The following GRIP1 variants were observed in gnomAD, a reference collection of about 807,000 sequenced individuals.
The protein encoded by GRIP1 is glutamate receptor interacting protein 1, also known as glutamate receptor-interacting protein 1.
GRIP1 carries 45 observed loss-of-function variants against 129.9 expected under a neutral mutation model. The ratio of observed to expected loss-of-function variants is 0.35; its 90% CI spans 0.27 to 0.44. The LOEUF is 0.44. Ranked by LOEUF, GRIP1 falls within the 20% of genes least tolerant of loss-of-function variation. GRIP1 has a pLI of 1.00. For synonymous variants in GRIP1, 530 were observed against 520.8 expected, an observed-to-expected ratio of 1.02 and a Z score of -0.24; for missense variants, 1,196 against 1,396.8, an observed-to-expected ratio of 0.86 and a Z score of 2.29.
chr12:66,983,596 T>C (rs2042269326), intron 1 of GRIP1, among the ~76,000 whole-genome samples: 1 of 152,214 alleles, frequency 6.6e-6, no homozygotes, highest in South Asian at 2.1e-4. Flanking sequence ...TTATTTACTG[T>C]AACTTAATAA....
chr12:66,516,761 C>A (rs537849414), intron 6 of GRIP1, among the ~76,000 whole-genome samples: 1 of 152,276 alleles, frequency 6.6e-6, no homozygotes, highest in Admixed American at 6.5e-5. Flanking sequence ...TTGTTACCCG[C>A]TGCAAAAGCA....
rs375797853 is a variant in GRIP1, at chr12:66,550,538, A to C, written c.137-8588T>G. ...GAAAGCAGTGAACGCTTGTCCCAGA[A>C]AAATTGTGTGCATTATTTCAGGGGA... On this transcript the variant is annotated intron_variant, in intron 2 of 24. Coordinates refer to ENST00000359742, the MANE Select transcript of GRIP1 (RefSeq NM_001366722.1). Among the ~76,000 whole-genome samples, 15 of 152,306 alleles carry C rather than the reference A, an allele frequency of 9.8e-5. No homozygotes were observed. In the South Asian group the frequency reaches 1.0e-3, roughly 11 times the overall value.
intron 1 of GRIP1, among the ~76,000 whole-genome samples, chr12:66,719,207 A>G (rs2035984863): frequency 6.6e-6 from 1 of 152,196 alleles, no homozygotes; most frequent in Non-Finnish European, 1.5e-5. Context: ...TGAAGGCTAC[A>G]ATATACAAGA....
chr12:66,769,614 G>A (rs1315505786), intron 1 of GRIP1, among the ~76,000 whole-genome samples: 6 of 152,040 alleles, frequency 3.9e-5, no homozygotes, highest in Admixed American at 3.3e-4. Flanking sequence ...CTCAGTCATG[G>A]AGAAAAGTCT....
chr12:66,723,893 T>C (rs2036173537), intron 1 of GRIP1, among the ~76,000 whole-genome samples: 1 of 152,150 alleles, frequency 6.6e-6, no homozygotes, highest in Admixed American at 6.6e-5. Flanking sequence ...ATGAAACAGG[T>C]ATTTCTTTGA....
chr12:66,530,408 A>C (rs573187987), intron 4 of GRIP1, among the ~76,000 whole-genome samples: 1 of 152,328 alleles, frequency 6.6e-6, no homozygotes, highest in African/African-American at 2.4e-5. Context: ...TGACATATAA[A>C]TAGCTATTAA....
intron 1 of GRIP1, among the ~76,000 whole-genome samples, chr12:66,962,884 T>C (rs2041942828): frequency 6.6e-6 from 1 of 152,142 alleles, no homozygotes; most frequent in African/African-American, 2.4e-5. Context: ...CACATACATA[T>C]TCAAAAACAT....
intron 1 of GRIP1, among the ~76,000 whole-genome samples, chr12:66,931,213 G>A (rs1410495827): frequency 6.6e-6 from 1 of 152,202 alleles, no homozygotes; most frequent in Non-Finnish European, 1.5e-5. Context: ...AGAGGGAAAG[G>A]AGAAGCAGTC....
intron 1 of GRIP1, among the ~76,000 whole-genome samples, chr12:66,678,619 A>C (rs577761761): frequency 2.0e-5 from 3 of 152,200 alleles, no homozygotes; most frequent in Non-Finnish European, 4.4e-5. Context: ...CATTAAAAAA[A>C]AAATCACACA....
At chr12:66,712,538 T>C (rs1157245153) in intron 1 of GRIP1, among the ~76,000 whole-genome samples, 1 of 152,016 alleles carries the variant, frequency 6.6e-6, no homozygotes, top group East Asian at 1.9e-4. Flanking sequence ...CACACATCTA[T>C]ATTAAATTTC....
intron 1 of GRIP1, among the ~76,000 whole-genome samples, chr12:66,621,033 T>C (rs942018542): frequency 6.8e-6 from 1 of 147,392 alleles, no homozygotes; most frequent in African/African-American, 2.5e-5. Context: ...AGTTTTAACA[T>C]ATTTTTGGAA....
intron 5 of GRIP1, 50 bp from the exon 6 acceptor site, chr12:66,518,026 T>A (rs1565818701): frequency 9.9e-7 from 1 of 1,014,686 alleles, no homozygotes; most frequent in South Asian, 1.3e-5. Context: ...TGTTGGCATT[T>A]AAAAAAAATC....
chr12:67,024,582 T>G (rs1374201520), intron 1 of GRIP1, among the ~76,000 whole-genome samples: 2 of 148,902 alleles, frequency 1.3e-5, no homozygotes, highest in Non-Finnish European at 3.0e-5. Context: ...AAGTGACTAC[T>G]AAAAAAAAAA....
intron 1 of GRIP1, among the ~76,000 whole-genome samples, chr12:66,925,466 G>C (rs150291400): frequency 6.6e-6 from 1 of 152,192 alleles, no homozygotes; most frequent in East Asian, 1.9e-4. Context: ...GTTCTCATTT[G>C]TCTGAAGTCA....
chr12:66,690,928 G>A (rs2034963766), intron 1 of GRIP1, among the ~76,000 whole-genome samples: 1 of 151,618 alleles, frequency 6.6e-6, no homozygotes, highest in Non-Finnish European at 1.5e-5. Context: ...GCAAGACCCA[G>A]TGTCAAAAAC....
intron 1 of GRIP1, among the ~76,000 whole-genome samples, chr12:67,000,967 A>G (rs941005161): frequency 6.6e-6 from 1 of 152,182 alleles, no homozygotes; most frequent in East Asian, 1.9e-4. Context: ...TTTGTTATTT[A>G]TCTGAAATTC....
chr12:66,907,786 A>C (rs989869764), intron 1 of GRIP1, among the ~76,000 whole-genome samples: 2 of 152,342 alleles, frequency 1.3e-5, no homozygotes, highest in African/African-American at 4.8e-5. Context: ...AAACAGGTAG[A>C]AAAGTAAAAC....
Position 66,377,262 on chromosome 12 carries a change from G to T in GRIP1, c.2645C>A (p.Ala882Glu). The T allele has an allele frequency of 1.2e-6, 2 of 1,612,370 alleles. No homozygotes were observed. The highest frequency in any genetic ancestry group is 2.2e-5 in the East Asian group (1 of 44,870). Reference protein sequence around the residue: ...ASGFAGAADSAETEQEENFWS... With the variant: ...ASGFAGAADSEETEQEENFWS... Reference sequence around the variant, plus strand: ...GAAGTTCTCCTCTTGTTCTGTCTCTGCACTATCGGCAGCCCCTGCAAAACT... The same window carrying T: ...GAAGTTCTCCTCTTGTTCTGTCTCTTCACTATCGGCAGCCCCTGCAAAACT... The change falls in exon 21 of 25, where the codon GCA becomes GAA. Residue 882 changes from alanine to glutamate, a missense_variant. This residue lies in a region of GRIP1 where 427 missense variants were observed against 463.3 expected (regional missense o/e 0.92). Coordinates refer to ENST00000359742, the MANE Select transcript of GRIP1 (RefSeq NM_001366722.1).
intron 7 of GRIP1, among the ~76,000 whole-genome samples, chr12:66,470,845 T>C (rs1344067616): frequency 6.6e-6 from 1 of 152,200 alleles, no homozygotes; most frequent in Non-Finnish European, 1.5e-5. Context: ...GACCATACCC[T>C]ACTAAGCCTG....
Sources: gnomAD v4.1 joint callset for allele counts (sites outside exome capture counted in the v4.1 genomes callset) on GRCh38, gnomAD v4.1.1 for gene constraint, gnomAD v4.1.1 regional missense constraint, MANE v1.5 for transcripts, NCBI Gene and HGNC (gene_info 2026-07-23, HGNC 2026-07-21) for gene names.